Variants in RGS6 observed in about 807,000 individuals in gnomAD.
The protein encoded by RGS6 is regulator of G protein signaling 6.
In RGS6, 30 loss-of-function variants were observed where a neutral mutation model predicts 78.5. The observed-to-expected ratio is 0.38, with a 90% CI of 0.29 to 0.52. The LOEUF is 0.52. Ranked by LOEUF, RGS6 falls within the 20% of genes least tolerant of loss-of-function variation. RGS6 has a pLI of 0.85. For missense variants in RGS6, 495 were observed against 609.7 expected, an observed-to-expected ratio of 0.81 and a Z score of 1.98; for synonymous variants, 206 against 206.0, an observed-to-expected ratio of 1.00 and a Z score of 0.00.
chr14:72,467,301 T>C (rs1040047318), intron 7 of RGS6, among the ~76,000 whole-genome samples: 4 of 152,190 alleles, frequency 2.6e-5, no homozygotes, highest in African/African-American at 7.2e-5. Context: ...CCAGCAGCTA[T>C]GGAAGGAGGG....
intron 2 of RGS6, among the ~76,000 whole-genome samples, chr14:72,341,380 T>C (rs2076960949): frequency 6.6e-6 from 1 of 152,186 alleles, no homozygotes; most frequent in Non-Finnish European, 1.5e-5. Context: ...AGGCCTCTGC[T>C]CTAACACTGG....
intron 2 of RGS6, among the ~76,000 whole-genome samples, chr14:72,284,943 C>T (rs969097524): frequency 1.6e-4 from 24 of 152,332 alleles, no homozygotes; most frequent in African/African-American, 5.8e-4. Context: ...GATTTCACTG[C>T]CCTGCTGGAT....
At chr14:72,278,835 C>T (rs2061118370) in intron 2 of RGS6, among the ~76,000 whole-genome samples, 1 of 152,090 alleles carries the variant, frequency 6.6e-6, no homozygotes, top group African/African-American at 2.4e-5. Flanking sequence ...TTTATTCTCT[C>T]ATACTTCCAG....
chr14:72,194,865 G>A (rs999781455), intron 2 of RGS6, among the ~76,000 whole-genome samples: 1 of 151,806 alleles, frequency 6.6e-6, no homozygotes, highest in Non-Finnish European at 1.5e-5. Context: ...TGGGCCCTAA[G>A]TAGTTAGATG....
At chr14:72,292,467 C>G (rs1053572087) in intron 2 of RGS6, among the ~76,000 whole-genome samples, 1 of 152,234 alleles carries the variant, frequency 6.6e-6, no homozygotes, top group African/African-American at 2.4e-5. Flanking sequence ...ATCCCATAGA[C>G]TTAGAATTAC....
At chr14:72,599,433 G>A in the RGS6 span, among the ~76,000 whole-genome samples, 1 of 65,828 alleles carries the variant, frequency 1.5e-5, no homozygotes, top group Non-Finnish European at 2.6e-5. Flanking sequence ...TTTTGAGACA[G>A]AGTCTTGCTT....
intron 2 of RGS6, among the ~76,000 whole-genome samples, chr14:72,322,995 C>A (rs1456827445): frequency 6.6e-6 from 1 of 151,908 alleles, no homozygotes; most frequent in African/African-American, 2.4e-5. Context: ...AGGAAAGATA[C>A]CTTAATCAAT....
At chr14:72,522,785 T>C (rs1006412350) in intron 15 of RGS6, among the ~76,000 whole-genome samples, 1 of 152,254 alleles carries the variant, frequency 6.6e-6, no homozygotes, top group African/African-American at 2.4e-5. Context: ...AATCACAGAC[T>C]GTAGTTTGTG....
chr14:72,515,558 C>G (rs934964685), intron 14 of RGS6: 2 of 152,268 alleles, frequency 1.3e-5, no homozygotes, highest in African/African-American at 4.8e-5. Context: ...TCCAGCTACT[C>G]AGGAGGCTGA....
At chr14:72,249,476 A>C (rs547932141) in intron 2 of RGS6, among the ~76,000 whole-genome samples, 1 of 152,338 alleles carries the variant, frequency 6.6e-6, no homozygotes, top group African/African-American at 2.4e-5. Flanking sequence ...TCTCAAAATA[A>C]CCAGTTCAAA....
chr14:72,435,212 A>G lies in RGS6; in HGVS notation c.185-19316A>G, dbSNP rs545954503. ...TTTTTTATGCTAACTTCTTGGGTAT[A>G]TTTCCTCAAGATGGATTCAAGATGT... On this transcript the variant is annotated intron_variant, in intron 3 of 17. Transcript: ENST00000553525. 9.8e-5 allele frequency among the ~76,000 whole-genome samples: 15 copies of G among 152,310 alleles called. No homozygotes were observed. The South Asian group carries it at 3.1e-3, about 32-fold the overall frequency.
intron 2 of RGS6, among the ~76,000 whole-genome samples, chr14:72,339,293 C>T (rs1356607889): frequency 1.3e-5 from 2 of 152,088 alleles, no homozygotes; most frequent in Non-Finnish European, 2.9e-5. Context: ...TGGAAAGTGC[C>T]GTTTAAGAAA....
intron 2 of RGS6, among the ~76,000 whole-genome samples, chr14:72,080,913 T>C (rs1355321606): frequency 1.3e-5 from 2 of 152,182 alleles, no homozygotes; most frequent in Non-Finnish European, 2.9e-5. Flanking sequence ...GCATTTTGAT[T>C]ACTGTAGCTT....
At chr14:72,226,936 C>G (rs926066719) in intron 2 of RGS6, among the ~76,000 whole-genome samples, 1 of 152,192 alleles carries the variant, frequency 6.6e-6, no homozygotes, top group African/African-American at 2.4e-5. Context: ...ATCCGCCCAC[C>G]TTGACCTCCC....
intron 2 of RGS6, among the ~76,000 whole-genome samples, chr14:72,218,962 A>G (rs535341984): frequency 4.9e-4 from 75 of 151,940 alleles, no homozygotes; most frequent in Middle Eastern, 3.4e-3. Flanking sequence ...ATGGCCAGCA[A>G]TATGTCCCAT....
chr14:72,120,815 G>A (rs1007738254), intron 2 of RGS6, among the ~76,000 whole-genome samples: 1 of 152,170 alleles, frequency 6.6e-6, no homozygotes, highest in South Asian at 2.1e-4. Flanking sequence ...GATTCAAAAG[G>A]AGCACAAGAG....
chr14:72,098,893 C>T (rs2095469528), intron 2 of RGS6, among the ~76,000 whole-genome samples: 2 of 152,152 alleles, frequency 1.3e-5, no homozygotes, highest in Non-Finnish European at 2.9e-5. Context: ...CCCTAGTACC[C>T]ACAGGGCACA....
the RGS6 span, chr14:71,908,573 GTCA>G: frequency 1.5e-5 from 2 of 130,420 alleles, no homozygotes; most frequent in African/African-American, 8.3e-5. Context: ...GTATAGAACA[GTCA>G]GTGTCTGATT....
At chr14:72,617,780 G>T in the RGS6 span, among the ~76,000 whole-genome samples, 1,265 of 152,296 alleles carry the variant, frequency 8.3e-3, 11 homozygotes, top group Non-Finnish European at 0.013. Context: ...CGAGTCTCCG[G>T]GAGCGTCCTC....
Sources: gnomAD v4.1 joint callset for allele counts (sites outside exome capture counted in the v4.1 genomes callset) on GRCh38, gnomAD v4.1.1 for gene constraint, MANE v1.5 for transcripts, NCBI Gene and HGNC (gene_info 2026-07-23, HGNC 2026-07-21) for gene names.